The following RALGPS1 variants were observed in gnomAD, a reference collection of about 807,000 sequenced individuals.
The protein encoded by RALGPS1 is Ral GEF with PH domain and SH3 binding motif 1.
A neutral mutation model predicts 78.8 loss-of-function variants in RALGPS1; 19 were observed. The observed-to-expected ratio is 0.24, with a 90% CI of 0.17 to 0.35. RALGPS1 has a LOEUF of 0.35. RALGPS1 is among the 10% of genes least tolerant of loss of function. The probability of loss-of-function intolerance (pLI) is 1.00; values close to 1 mark genes in which losing one functional copy is unlikely to be tolerated. For synonymous variants in RALGPS1, 228 were observed against 256.3 expected (o/e 0.89, Z 1.06); for missense variants, 454 against 688.3 (o/e 0.66, Z 3.81).
Position 127,221,318 on chromosome 9 carries a change from A to G in RALGPS1, c.*2549A>G, listed in dbSNP as rs2062767899. 6.6e-6 allele frequency: 1 copy of G among 152,216 alleles called. No individual in the cohort carries two copies. The allele number at this position is 152,216 out of a possible 1,614,324, so 9.4% of individuals were successfully genotyped here. A position where few individuals can be genotyped will look rare whatever the true frequency, so the allele number is the denominator to read the frequency against. The stretch of plus-strand genomic sequence containing the variant: ...GCTCCTTGACTGTCCAGAGTGTACA[A>G]ATGTTCATAACGCCATTGAAGGGAT... On this transcript the variant is annotated 3_prime_UTR_variant, in exon 19 of 19. Transcript: ENST00000259351.
At chr9:126,993,584 A>G (rs1439990424) in intron 4 of RALGPS1, among the ~76,000 whole-genome samples, 1 of 151,948 alleles carries the variant, frequency 6.6e-6, no homozygotes, top group East Asian at 1.9e-4. Context: ...GTTTTAGAGT[A>G]AAAAGCTTCC....
intron 8 of RALGPS1, among the ~76,000 whole-genome samples, chr9:127,105,471 G>A (rs1054706980): frequency 6.6e-6 from 1 of 152,174 alleles, no homozygotes; most frequent in African/African-American, 2.4e-5. Context: ...CTAGTCACTT[G>A]GGTTCCCAAC....
chr9:127,198,263 G>C (rs73597302), intron 13 of RALGPS1, among the ~76,000 whole-genome samples: 7,764 of 152,250 alleles, frequency 0.051, 687 homozygotes, highest in African/African-American at 0.18. Context: ...ATGCCAAGGG[G>C]CCTGGGATCT....
intron 4 of RALGPS1, among the ~76,000 whole-genome samples, chr9:126,996,229 TA>T (rs1326849778): frequency 6.6e-6 from 1 of 152,078 alleles, no homozygotes; most frequent in African/African-American, 2.4e-5. Flanking sequence ...TTCAAAAAAT[TA>T]ATGAATCCAG....
At chr9:127,014,631 C>T (rs2044650562) in intron 4 of RALGPS1, among the ~76,000 whole-genome samples, 2 of 152,072 alleles carry the variant, frequency 1.3e-5, no homozygotes, top group Admixed American at 6.5e-5. Context: ...CCTGTGGTCC[C>T]TCTTGCAGTC....
At chr9:127,170,478 A>G (rs1481556034) in intron 10 of RALGPS1, among the ~76,000 whole-genome samples, 2 of 152,256 alleles carry the variant, frequency 1.3e-5, no homozygotes, top group African/African-American at 4.8e-5. Flanking sequence ...TAACAACAAT[A>G]GATGAAAGCC....
intron 1 of RALGPS1, among the ~76,000 whole-genome samples, chr9:126,920,854 A>C (rs1456759362): frequency 1.3e-5 from 2 of 152,184 alleles, no homozygotes; most frequent in African/African-American, 4.8e-5. Flanking sequence ...AGAACCTCTC[A>C]TGAAGTGGCC....
At chr9:127,060,733 A>G (rs1360983349) in intron 7 of RALGPS1, among the ~76,000 whole-genome samples, 2 of 151,924 alleles carry the variant, frequency 1.3e-5, no homozygotes, top group African/African-American at 2.4e-5. Context: ...ACATACCTTC[A>G]AGGTTTTCAC....
In RALGPS1 at chr9:126,942,215, C is replaced by T. The variant is rs115403205; in HGVS notation, c.-65-20010C>T. On this transcript the variant is annotated intron_variant, in intron 1 of 18. Coordinates refer to ENST00000259351, the MANE Select transcript of RALGPS1 (RefSeq NM_014636.3). ...TTCATTTTTTTCATGATGTCTTTTC[C>T]TTTATAGAAGTTTTAATTTTAATGT... 8.0e-3 allele frequency among the ~76,000 whole-genome samples: 1,212 copies of T among 151,956 alleles called. 24 individuals carry two copies. The highest frequency in any genetic ancestry group is 0.028 in the African/African-American group (1,145 of 41,478).
chr9:126,934,197 GAAGTCAGACCTTGTAGCACTGT>G (rs2131239049), intron 1 of RALGPS1, among the ~76,000 whole-genome samples: 1 of 126,002 alleles, frequency 7.9e-6, no homozygotes, highest in South Asian at 2.3e-4. Flanking sequence ...ATAATAGATT[GAAGTCAGACCTTGTAGCACTGT>G]AACTGGTCCA....
intron 1 of RALGPS1, among the ~76,000 whole-genome samples, chr9:126,948,978 C>A (rs1480804083): frequency 1.2e-4 from 18 of 152,070 alleles, no homozygotes; most frequent in African/African-American, 4.1e-4. Context: ...ACCCCCACCC[C>A]ACAACAGTCC....
At chr9:127,049,973 C>A in intron 5 of RALGPS1, 70 bp from the exon 6 acceptor site, 1 of 1,118,496 alleles carries the variant, frequency 8.9e-7, no homozygotes, top group Non-Finnish European at 1.4e-6. Context: ...GCAAGGGGGA[C>A]ACGGGTGGTC....
intron 4 of RALGPS1, among the ~76,000 whole-genome samples, chr9:126,995,580 T>C (rs2042667883): frequency 6.6e-6 from 1 of 152,122 alleles, no homozygotes; most frequent in Non-Finnish European, 1.5e-5. Flanking sequence ...ACAATAATAA[T>C]GGGAGACTTT....
At chr9:127,119,197 G>T (rs546653621) in intron 8 of RALGPS1, among the ~76,000 whole-genome samples, 1 of 152,244 alleles carries the variant, frequency 6.6e-6, no homozygotes, top group African/African-American at 2.4e-5. Context: ...CCACATAACA[G>T]GTACCCTCAT....
At chr9:127,137,464 A>G (rs555197193) in intron 8 of RALGPS1, among the ~76,000 whole-genome samples, 1 of 152,358 alleles carries the variant, frequency 6.6e-6, no homozygotes, top group South Asian at 2.1e-4. Flanking sequence ...AGGGGCAGCA[A>G]TGAAGAGTGG....
At chr9:127,105,289 G>A (rs1052821013) in intron 8 of RALGPS1, among the ~76,000 whole-genome samples, 4 of 152,154 alleles carry the variant, frequency 2.6e-5, no homozygotes, top group East Asian at 3.8e-4. Flanking sequence ...CTCCCATGAC[G>A]GCGTGCTTTC....
intron 8 of RALGPS1, among the ~76,000 whole-genome samples, chr9:127,103,909 T>C (rs2053976140): frequency 6.6e-6 from 1 of 151,926 alleles, no homozygotes; most frequent in Non-Finnish European, 1.5e-5. Context: ...ATATCCAGAG[T>C]AGTTAAAACA....
intron 8 of RALGPS1, among the ~76,000 whole-genome samples, chr9:127,136,085 A>G (rs1369602121): frequency 1.3e-5 from 2 of 152,184 alleles, no homozygotes; most frequent in Admixed American, 6.5e-5. Context: ...AGATTCCTCA[A>G]TAAAGTAGTA....
At chr9:127,115,401 G>A (rs1009373900) in intron 8 of RALGPS1, among the ~76,000 whole-genome samples, 3 of 152,026 alleles carry the variant, frequency 2.0e-5, no homozygotes, top group Admixed American at 6.6e-5. Context: ...TGCTGGTTGC[G>A]GTCTTATGTA....
Sources: allele counts gnomAD v4.1 joint callset (sites outside exome capture counted in the v4.1 genomes callset), GRCh38; gene constraint gnomAD v4.1.1; transcripts MANE v1.5; gene names NCBI Gene and HGNC (gene_info 2026-07-23, HGNC 2026-07-21).